GABRB2: variants seen among roughly 807,000 people sequenced by gnomAD.
GABRB2 encodes the protein gamma-aminobutyric acid type A receptor subunit beta2, also known as gamma-aminobutyric acid receptor subunit beta-2.
Under a neutral mutation model 54.7 loss-of-function variants are expected in GABRB2, and 16 were observed. The observed-to-expected ratio is 0.29, with a 90% CI of 0.20 to 0.44. The LOEUF is 0.44. Among genes scored for constraint, GABRB2 ranks in the 20% least tolerant of loss-of-function variants. The pLI is 1.00. For missense variants in GABRB2, 355 were observed against 644.0 expected (o/e 0.55, Z 4.86); for synonymous variants, 244 against 233.8 (o/e 1.04, Z -0.40).
chr5:161,359,197 T>C (rs1193309635), intron 5 of GABRB2, among the ~76,000 whole-genome samples: 1 of 152,162 alleles, frequency 6.6e-6, no homozygotes, highest in African/African-American at 2.4e-5. Flanking sequence ...TGTTAATATT[T>C]CATGGGTAAA....
intron 3 of GABRB2, among the ~76,000 whole-genome samples, chr5:161,487,070 A>AAGAATTGAT (rs2113342932): frequency 6.6e-6 from 1 of 152,074 alleles, no homozygotes; most frequent in South Asian, 2.1e-4. Context: ...CAGAAGAACA[A>AAGAATTGAT]AGAATTGATA....
At chr5:161,342,380 C>T (rs1754199779) in intron 5 of GABRB2, among the ~76,000 whole-genome samples, 1 of 151,902 alleles carries the variant, frequency 6.6e-6, no homozygotes, top group South Asian at 2.1e-4. Context: ...CTGTAAATAA[C>T]TATTAGTAAA....
chr5:161,524,564 A>G (rs1181414342), intron 3 of GABRB2, among the ~76,000 whole-genome samples: 1 of 151,534 alleles, frequency 6.6e-6, no homozygotes, highest in Non-Finnish European at 1.5e-5. Context: ...CTCAGATGTA[A>G]GAAAAGCAGA....
At chr5:161,533,448 T>C (rs868299251) in intron 3 of GABRB2, among the ~76,000 whole-genome samples, 1 of 152,080 alleles carries the variant, frequency 6.6e-6, no homozygotes, top group Non-Finnish European at 1.5e-5. Context: ...CTAAGTAATA[T>C]TAAGATGGAA....
intron 5 of GABRB2, among the ~76,000 whole-genome samples, chr5:161,405,501 G>A (rs575899934): frequency 1.1e-3 from 172 of 152,116 alleles, no homozygotes; most frequent in Middle Eastern, 3.4e-3. Context: ...TAAGTGACCT[G>A]TTTAGCTAGC....
chr5:161,418,240 A>G (rs1045426295), intron 4 of GABRB2, among the ~76,000 whole-genome samples: 12 of 152,240 alleles, frequency 7.9e-5, no homozygotes, highest in Non-Finnish European at 1.6e-4. Flanking sequence ...AAATATTAAT[A>G]GATATAGATA....
At chr5:161,307,008 A>G (rs1194069860) in intron 9 of GABRB2, among the ~76,000 whole-genome samples, 1 of 152,210 alleles carries the variant, frequency 6.6e-6, no homozygotes, top group African/African-American at 2.4e-5. Context: ...TTTATAAGCT[A>G]AAGTCAAATT....
intron 4 of GABRB2, among the ~76,000 whole-genome samples, chr5:161,435,561 A>G (rs1757284489): frequency 6.6e-6 from 1 of 152,206 alleles, no homozygotes; most frequent in East Asian, 1.9e-4. Context: ...TTCTAGGATG[A>G]ACATGTGTTA....
chr5:161,479,491 T>C (rs1049263871), intron 3 of GABRB2, among the ~76,000 whole-genome samples: 7 of 151,828 alleles, frequency 4.6e-5, no homozygotes, highest in Non-Finnish European at 1.0e-4. Flanking sequence ...TTCATTGACA[T>C]AAAATCACCA....
chr5:161,334,556 T>C (rs1727335759), intron 7 of GABRB2, among the ~76,000 whole-genome samples, 196 bp downstream of exon 7: 1 of 152,210 alleles, frequency 6.6e-6, no homozygotes, highest in Admixed American at 6.5e-5. Flanking sequence ...AATACTGACA[T>C]GAAAGAGCTT....
In GABRB2 at chr5:161,545,904, T is replaced by C. The variant is rs141623502; in HGVS notation, c.169+418A>G. On this transcript the variant is annotated intron_variant, in intron 2 of 9. Coordinates refer to ENST00000393959, the MANE Select transcript of GABRB2 (RefSeq NM_001371727.1). ...CCTGGCCAGAAGAACTCTTCCAAAG[T>C]AGGCAGGCACAGGGGGTTAACGCCA... Among the ~76,000 whole-genome samples, 139 of 152,180 alleles carry C rather than the reference T, an allele frequency of 9.1e-4. 1 individual carries two copies. The highest frequency in any genetic ancestry group is 3.1e-3 in the African/African-American group (130 of 41,502).
chr5:161,383,957 G>A (rs1038155824), intron 5 of GABRB2, among the ~76,000 whole-genome samples: 4 of 152,064 alleles, frequency 2.6e-5, no homozygotes, highest in East Asian at 1.9e-4. Context: ...GTGCGATCTC[G>A]GCTCATTGCA....
upstream of GABRB2, chr5:161,546,777 C>T (rs1264970336): frequency 2.0e-5 from 29 of 1,461,170 alleles, no homozygotes; most frequent in South Asian, 5.7e-5. Context: ...CGGCGGCTGC[C>T]GGGGACCGAG....
chr5:161,464,930 G>A (rs1758233488), intron 3 of GABRB2, among the ~76,000 whole-genome samples: 1 of 152,076 alleles, frequency 6.6e-6, no homozygotes, highest in Non-Finnish European at 1.5e-5. Context: ...ATGAGAGACT[G>A]ATTTTGGGTA....
intron 5 of GABRB2, among the ~76,000 whole-genome samples, chr5:161,373,387 T>C (rs1455366542): frequency 1.3e-5 from 2 of 152,118 alleles, no homozygotes; most frequent in Non-Finnish European, 1.5e-5. Flanking sequence ...CTAAACAATA[T>C]ATAATATGCC....
intron 4 of GABRB2, among the ~76,000 whole-genome samples, chr5:161,453,929 T>A (rs564353032): frequency 6.6e-6 from 1 of 151,300 alleles, no homozygotes; most frequent in South Asian, 2.1e-4. Context: ...TCCTAGTTAC[T>A]CGGGAGGCTG....
chr5:161,320,844 T>C (rs932921041), intron 9 of GABRB2, among the ~76,000 whole-genome samples: 3 of 152,002 alleles, frequency 2.0e-5, no homozygotes, highest in Non-Finnish European at 2.9e-5. Flanking sequence ...TGCTCTAAAT[T>C]AGCTTTCCAG....
intron 5 of GABRB2, among the ~76,000 whole-genome samples, chr5:161,360,966 C>T (rs1754792078): frequency 6.6e-6 from 1 of 151,034 alleles, no homozygotes; most frequent in Non-Finnish European, 1.5e-5. Flanking sequence ...ACTATGATTG[C>T]ACCACTGCAC....
chr5:161,474,442 G>A (rs1470744348), intron 3 of GABRB2, among the ~76,000 whole-genome samples: 5 of 151,790 alleles, frequency 3.3e-5, no homozygotes, highest in Non-Finnish European at 5.9e-5. Flanking sequence ...ATGAACTAGA[G>A]AATTTTCTTT....
Sources: gnomAD v4.1 joint callset for allele counts (sites outside exome capture counted in the v4.1 genomes callset) on GRCh38, gnomAD v4.1.1 for gene constraint, MANE v1.5 for transcripts, NCBI Gene and HGNC (gene_info 2026-07-23, HGNC 2026-07-21) for gene names.